PDZRN4: variants seen among roughly 807,000 people sequenced by gnomAD.
PDZRN4 encodes the protein PDZ domain containing ring finger 4.
Under a neutral mutation model 99.0 loss-of-function variants are expected in PDZRN4, and 70 were observed. The ratio of observed to expected loss-of-function variants is 0.71; its 90% confidence interval spans 0.58 to 0.86. The LOEUF (loss-of-function observed/expected upper bound fraction) is 0.86, where lower values mean the gene tolerates loss of function less well. Among genes scored for constraint, PDZRN4 ranks in the 40% least tolerant of loss-of-function variants. The probability of loss-of-function intolerance (pLI) is 0.00; values close to 1 mark genes in which losing one functional copy is unlikely to be tolerated. For synonymous variants in PDZRN4, 551 were observed against 501.6 expected (o/e 1.10, Z -1.32); for missense variants, 1,474 against 1,331.2 (o/e 1.11, Z -1.67).
intron 9 of PDZRN4, among the ~76,000 whole-genome samples, chr12:41,569,028 C>G (rs1411048115): frequency 6.6e-6 from 1 of 151,738 alleles, no homozygotes; most frequent in Non-Finnish European, 1.5e-5. Flanking sequence ...TGGTCTTAAA[C>G]TCTGACCTCG....
chr12:41,239,207 G>A (rs560650370), intron 3 of PDZRN4, among the ~76,000 whole-genome samples: 134 of 152,242 alleles, frequency 8.8e-4, no homozygotes, highest in African/African-American at 3.0e-3. Context: ...GCAAACTAAC[G>A]CAGGGACAGA....
chr12:41,212,958 A>C lies in PDZRN4; in HGVS notation c.843+18770A>C, dbSNP rs1365171828. ...GATGGAAGAACGGCTCTCAGCAAGG[A>C]TTGGAGAGTGGGAGGGGCTAATTAT... is the stretch of plus-strand genomic sequence containing the variant. On this transcript the variant is annotated intron_variant, in intron 3 of 9. Coordinates refer to ENST00000402685, the MANE Select transcript of PDZRN4 (RefSeq NM_001164595.2). Among the ~76,000 whole-genome samples the C allele has an allele frequency of 1.3e-5, 2 of 151,992 alleles. 1 individual carries two copies. The highest frequency in any genetic ancestry group is 4.8e-5 in the African/African-American group (2 of 41,416).
At chr12:41,410,132 A>G (rs1425747654) in intron 3 of PDZRN4, among the ~76,000 whole-genome samples, 3 of 152,202 alleles carry the variant, frequency 2.0e-5, no homozygotes, top group African/African-American at 7.2e-5. Flanking sequence ...TCAACATTTT[A>G]TCTTTTTGAG....
At chr12:41,501,308 T>G (rs1938104982) in intron 3 of PDZRN4, among the ~76,000 whole-genome samples, 1 of 152,146 alleles carries the variant, frequency 6.6e-6, no homozygotes, top group Non-Finnish European at 1.5e-5. Flanking sequence ...TGTTAGCACT[T>G]CAAAAGAAAA....
chr12:41,319,267 AC>A (rs1292334976), intron 3 of PDZRN4, among the ~76,000 whole-genome samples: 6 of 152,096 alleles, frequency 3.9e-5, no homozygotes, highest in Non-Finnish European at 7.4e-5. Context: ...CCTTTGATGC[AC>A]CCCGAAAACT....
chr12:41,426,936 C>A (rs931604322), intron 3 of PDZRN4, among the ~76,000 whole-genome samples: 1 of 152,176 alleles, frequency 6.6e-6, no homozygotes, highest in Non-Finnish European at 1.5e-5. Context: ...AGGAATTGAG[C>A]TTGTGCACTT....
intron 3 of PDZRN4, among the ~76,000 whole-genome samples, chr12:41,394,403 T>A (rs991811610): frequency 3.3e-5 from 5 of 152,214 alleles, no homozygotes; most frequent in African/African-American, 1.2e-4. Flanking sequence ...AGGCTTTGTA[T>A]GATAGCAGAA....
rs537306201 is a variant in PDZRN4, at chr12:41,549,923, A to G, written c.1204-2733A>G. ...CTTACAAAGGGGAATATTGGAAACA[A>G]AGACCATGGAGATAACTTTGAGACC... On this transcript the variant is annotated intron_variant, in intron 5 of 9. Coordinates refer to ENST00000402685, the MANE Select transcript of PDZRN4 (RefSeq NM_001164595.2). Among the ~76,000 whole-genome samples the G allele has an allele frequency of 3.9e-5, 6 of 152,270 alleles. No homozygotes were observed. The South Asian group carries it at 1.0e-3, about 26-fold the overall frequency.
intron 3 of PDZRN4, among the ~76,000 whole-genome samples, chr12:41,246,301 C>G (rs1168786218): frequency 6.6e-6 from 1 of 151,984 alleles, no homozygotes. Flanking sequence ...AGTTAATTGA[C>G]AGGGTATTTC....
intron 3 of PDZRN4, among the ~76,000 whole-genome samples, chr12:41,471,007 A>T (rs191144792): frequency 3.3e-5 from 5 of 152,342 alleles, no homozygotes; most frequent in Non-Finnish European, 5.9e-5. Flanking sequence ...TGAACACATA[A>T]AATCATCTAG....
At position 41,515,033 on chromosome 12, in the gene PDZRN4, G is replaced by A. The variant is rs577110741; in HGVS notation, c.1203+5120G>A. On this transcript the variant is annotated intron_variant, in intron 5 of 9. Transcript: ENST00000402685. ...CCCCCTTTATTACTTGTTGAACAAG[G>A]GCTCAATCAGCATATGTGAGAAGCA... Among the ~76,000 whole-genome samples, 16 of 152,042 alleles carry A rather than the reference G, an allele frequency of 1.1e-4. No homozygotes were observed. In the South Asian group the frequency reaches 2.3e-3, roughly 22 times the overall value.
At chr12:41,496,116 A>T (rs957328785) in intron 3 of PDZRN4, among the ~76,000 whole-genome samples, 7 of 152,140 alleles carry the variant, frequency 4.6e-5, no homozygotes, top group African/African-American at 1.7e-4. Flanking sequence ...AATGGGGATA[A>T]CATACTTACC....
chr12:41,376,760 T>C (rs1007578689), intron 3 of PDZRN4, among the ~76,000 whole-genome samples: 7 of 152,218 alleles, frequency 4.6e-5, no homozygotes, highest in African/African-American at 1.7e-4. Context: ...CTTTTGCTTT[T>C]GTGGTTTGTG....
At chr12:41,473,467 G>T (rs1953012280) in intron 3 of PDZRN4, 1 of 152,160 alleles carries the variant, frequency 6.6e-6, no homozygotes, top group African/African-American at 2.4e-5. Flanking sequence ...AAGTTCAAGG[G>T]CAGGAATAAG....
chr12:41,406,496 A>T (rs1258141853), intron 3 of PDZRN4, among the ~76,000 whole-genome samples: 1 of 152,202 alleles, frequency 6.6e-6, no homozygotes, highest in Non-Finnish European at 1.5e-5. Flanking sequence ...CATCTTGATC[A>T]ATCCAACTTA....
At chr12:41,206,045 A>G (rs769734267) in intron 3 of PDZRN4, among the ~76,000 whole-genome samples, 6 of 151,940 alleles carry the variant, frequency 3.9e-5, no homozygotes, top group Non-Finnish European at 8.8e-5. Context: ...GCTGTGTAGT[A>G]TTGTAGCATT....
At chr12:41,196,914 A>G (rs1950777200) in intron 3 of PDZRN4, among the ~76,000 whole-genome samples, 1 of 152,114 alleles carries the variant, frequency 6.6e-6, no homozygotes, top group Admixed American at 6.5e-5. Context: ...GGTCATGCTG[A>G]TTTAAACCTG....
chr12:41,553,045 G>C (rs1399697732), intron 6 of PDZRN4, among the ~76,000 whole-genome samples: 1 of 152,236 alleles, frequency 6.6e-6, no homozygotes, highest in East Asian at 1.9e-4. Context: ...AATGCAGCAA[G>C]TCCAGCAAAG....
At chr12:41,277,008 T>G (rs979917440) in intron 3 of PDZRN4, among the ~76,000 whole-genome samples, 54 of 152,318 alleles carry the variant, frequency 3.5e-4, no homozygotes, top group African/African-American at 1.3e-3. Context: ...CTCTCTGTAC[T>G]ATATTTACCA....
Sources: allele counts gnomAD v4.1 joint callset (sites outside exome capture counted in the v4.1 genomes callset), GRCh38; gene constraint gnomAD v4.1.1; transcripts MANE v1.5; gene names NCBI Gene and HGNC (gene_info 2026-07-23, HGNC 2026-07-21).